Variants in ZNF37A observed in about 807,000 individuals in gnomAD.
ZNF37A encodes the protein zinc finger protein 37A.
In ZNF37A, 10 loss-of-function variants were observed where a neutral mutation model predicts 12.3. That is an observed-to-expected ratio of 0.82 (90% CI 0.50 to 1.38). The LOEUF (loss-of-function observed/expected upper bound fraction) is 1.38. Ranked by LOEUF, ZNF37A falls within the 40% of genes most tolerant of loss-of-function variation. ZNF37A has a pLI of 0.00. For missense variants in ZNF37A, 580 were observed against 651.2 expected, an observed-to-expected ratio of 0.89 and a Z score of 1.19; for synonymous variants, 207 against 223.0, an observed-to-expected ratio of 0.93 and a Z score of 0.64.
intron 5 of ZNF37A, among the ~76,000 whole-genome samples, chr10:38,109,408 G>C (rs1205439861): frequency 2.6e-5 from 4 of 152,146 alleles, no homozygotes; most frequent in Admixed American, 6.5e-5. Context: ...AAAACTGGGA[G>C]CATTCCCGTT....
intron 7 of ZNF37A, among the ~76,000 whole-genome samples, chr10:38,130,997 AT>A (rs901597950): frequency 1.3e-5 from 2 of 152,182 alleles, no homozygotes; most frequent in African/African-American, 4.8e-5. Context: ...ATTTGTGTAT[AT>A]TCTTTGAGTA....
In ZNF37A at chr10:38,117,757, T is replaced by C; in HGVS notation, c.606T>C (p.Gly202=). ...CACATCCAAGAGAAAACCACTATGG[T>C]AATGAATGTGGAGAAAATATCTTTG... ...QQTHPRENHY[G]NECGENIFEE... Residue 202 remains glycine (G), a synonymous_variant, in exon 8 of 8, where the codon GGT becomes GGC. Transcript: ENST00000685332. The C allele has an allele frequency of 1.2e-6, 2 of 1,613,986 alleles. No individual in the cohort carries two copies. The highest frequency in any genetic ancestry group is 1.7e-6 in the Non-Finnish European group (2 of 1,179,988).
intron 5 of ZNF37A, among the ~76,000 whole-genome samples, chr10:38,109,005 C>A (rs2068392902): frequency 6.6e-6 from 1 of 152,124 alleles, no homozygotes; most frequent in African/African-American, 2.4e-5. Context: ...CATCCTGATA[C>A]CGAAACATTG....
downstream of ZNF37A, among the ~76,000 whole-genome samples, chr10:38,129,249 T>C (rs1442262677): frequency 7.2e-6 from 1 of 139,258 alleles, no homozygotes; most frequent in African/African-American, 2.7e-5. Context: ...AGAGGAGGCA[T>C]AGTGATCTTA....
chr10:38,100,484 G>T (rs2067477215), intron 5 of ZNF37A, among the ~76,000 whole-genome samples: 1 of 152,198 alleles, frequency 6.6e-6, no homozygotes, highest in Non-Finnish European at 1.5e-5. Context: ...CCCCAGGCTT[G>T]TATTCTGTTT....
At chr10:38,132,036 T>C (rs983121441) in intron 7 of ZNF37A, among the ~76,000 whole-genome samples, 3 of 152,174 alleles carry the variant, frequency 2.0e-5, no homozygotes, top group Admixed American at 2.0e-4. Context: ...TTTGGAATAT[T>C]CTACATATAG....
rs761603803 is a variant in ZNF37A, at chr10:38,118,612, A to G, written c.1461A>G (p.Arg487=). Residue 487 remains arginine (R), a synonymous_variant, in exon 8 of 8, where the codon AGA becomes AGG. Coordinates refer to ENST00000685332, the MANE Select transcript of ZNF37A (RefSeq NM_001324250.3). ...AGTCAGCCCTAATTGTTCACCAGAG[A>G]ACTCATATAAGACAGAAACCCTATG... is the stretch of plus-strand genomic sequence containing the variant. ...RQKSALIVHQ[R]THIRQKPYGC... The G allele has an allele frequency of 6.9e-6, 11 of 1,605,820 alleles. No individual in the cohort carries two copies. The East Asian group carries it at 2.3e-4, about 33-fold the overall frequency.
intron 7 of ZNF37A, among the ~76,000 whole-genome samples, chr10:38,132,458 CA>C (rs1218562937): frequency 6.6e-6 from 1 of 151,984 alleles, no homozygotes; most frequent in Non-Finnish European, 1.5e-5. Context: ...AAATGCTATT[CA>C]CTCATAATGA....
chr10:38,103,091 G>A (rs1228027467), intron 5 of ZNF37A, among the ~76,000 whole-genome samples: 2 of 151,896 alleles, frequency 1.3e-5, no homozygotes, highest in Admixed American at 1.3e-4. Context: ...TCATCAATTT[G>A]GAAGGTCTTC....
rs1461995158 is a variant in ZNF37A at position 38,106,083 on chromosome 10, C to T, written c.16-8672C>T. On this transcript the variant is annotated intron_variant, in intron 5 of 7. Transcript: ENST00000685332. ...TTCATGATCTTAGGGGGGGATCTTT[C>T]AGTCTTTCACTGTGGAGTATGTTAC... is the stretch of plus-strand genomic sequence containing the variant. Among the ~76,000 whole-genome samples, 4 of 152,110 alleles carry T rather than the reference C, an allele frequency of 2.6e-5. No homozygotes were observed. In the East Asian group the frequency reaches 7.7e-4, roughly 29 times the overall value.
downstream of ZNF37A, chr10:38,125,426 A>C (rs1242276048): frequency 6.6e-6 from 1 of 152,176 alleles, no homozygotes; most frequent in African/African-American, 2.4e-5. Flanking sequence ...AGTGTTCAAT[A>C]CCAATGCTAA....
At chr10:38,131,342 A>G (rs2070024215) in intron 7 of ZNF37A, among the ~76,000 whole-genome samples, 1 of 152,132 alleles carries the variant, frequency 6.6e-6, no homozygotes, top group African/African-American at 2.4e-5. Context: ...TTGCCTTTAG[A>G]TCATAAATCT....
intron 5 of ZNF37A, among the ~76,000 whole-genome samples, chr10:38,109,758 T>C (rs1053785574): frequency 6.6e-6 from 1 of 152,006 alleles, no homozygotes; most frequent in African/African-American, 2.4e-5. Flanking sequence ...ACAAACAGAA[T>C]AAAATACCTA....
intron 5 of ZNF37A, among the ~76,000 whole-genome samples, chr10:38,111,998 C>T (rs546311832): frequency 2.0e-5 from 3 of 151,662 alleles, no homozygotes; most frequent in Admixed American, 2.0e-4. Flanking sequence ...GCAAGCTCCG[C>T]CTCCCGGGTT....
At chr10:38,131,210 A>T (rs966653531) in intron 7 of ZNF37A, among the ~76,000 whole-genome samples, 1 of 152,076 alleles carries the variant, frequency 6.6e-6, no homozygotes, top group Non-Finnish European at 1.5e-5. Flanking sequence ...CTTAATTTTG[A>T]TCAAGTCCAA....
rs2069524965 is a variant in ZNF37A, at chr10:38,118,976, A to G, written c.*139A>G. ...AAGAGGGAAAAAACAATATGAAGATAGGGAATGCAGGAAAACATTATTCTG... is the reference window on the plus strand; with the variant it reads ...AAGAGGGAAAAAACAATATGAAGATGGGGAATGCAGGAAAACATTATTCTG... On this transcript the variant is annotated 3_prime_UTR_variant, in exon 8 of 8. Coordinates refer to ENST00000685332, the MANE Select transcript of ZNF37A (RefSeq NM_001324250.3). 2 of 1,342,264 alleles carry G rather than the reference A, an allele frequency of 1.5e-6. No individual in the cohort carries two copies. Among genetic ancestry groups the G allele is most frequent in the African/African-American group, 3.0e-5 (2 of 67,026 alleles). The allele number at this position is 1,342,264 out of a possible 1,614,324, so 83.1% of individuals were successfully genotyped here. A position where few individuals can be genotyped will look rare whatever the true frequency, so the allele number is the denominator to read the frequency against.
At chr10:38,124,729 A>G (rs1364310727), downstream of ZNF37A, 1 of 152,242 alleles carries the variant, frequency 6.6e-6, no homozygotes, top group East Asian at 1.9e-4. Context: ...GTTTTCCAAA[A>G]TGTGTATGGC....
intron 7 of ZNF37A, among the ~76,000 whole-genome samples, chr10:38,131,439 GAA>G (rs775700932): frequency 3.9e-5 from 6 of 152,068 alleles, no homozygotes; most frequent in Non-Finnish European, 8.8e-5. Context: ...ACTGTTTTTT[GAA>G]GACTATCATT....
chr10:38,147,854 G>A (rs2070274076), exon 8 of ZNF37A: 1 of 152,188 alleles, frequency 6.6e-6, no homozygotes, highest in Admixed American at 6.5e-5. Context: ...AGCACACTGA[G>A]GACAATAGGC....
Sources: allele counts gnomAD v4.1 joint callset (sites outside exome capture counted in the v4.1 genomes callset), GRCh38; gene constraint gnomAD v4.1.1; transcripts MANE v1.5; gene names NCBI Gene and HGNC (gene_info 2026-07-23, HGNC 2026-07-21).